Variants in GPC3 observed in about 807,000 individuals in gnomAD.
GPC3 encodes the protein glypican-3.
Under a neutral mutation model 34.4 loss-of-function variants are expected in GPC3, and 3 were observed. That is an observed-to-expected ratio of 0.09 (90% CI 0.04 to 0.23). The LOEUF is 0.23. Among genes scored for constraint, GPC3 ranks in the 10% least tolerant of loss-of-function variants. The pLI is 1.00. For missense variants in GPC3, 351 were observed against 445.6 expected (o/e 0.79, Z 1.91); for synonymous variants, 177 against 174.0 (o/e 1.02, Z -0.13).
intron 2 of GPC3, among the ~76,000 whole-genome samples, chrX:133,863,544 C>T (rs972150671): frequency 8.2e-5 from 9 of 109,502 alleles, no homozygotes; most frequent in African/African-American, 3.0e-4. Context: ...CTAATAAATG[C>T]TATCATTTAT....
chrX:133,710,366 A>T (rs1376146388), intron 3 of GPC3, among the ~76,000 whole-genome samples: 1 of 112,106 alleles, frequency 8.9e-6, no homozygotes, highest in African/African-American at 3.2e-5. Flanking sequence ...CTCATCTGCA[A>T]AATGAAGATA....
At chrX:133,967,199 AT>A (rs2076467700) in intron 1 of GPC3, among the ~76,000 whole-genome samples, 1 of 112,405 alleles carries the variant, frequency 8.9e-6, no homozygotes, top group Non-Finnish European at 1.9e-5. Flanking sequence ...TGAGGGAAAT[AT>A]TAGGTTATGA....
chrX:133,808,928 A>C (rs924506979), intron 2 of GPC3, among the ~76,000 whole-genome samples: 23 of 112,411 alleles, frequency 2.0e-4, no homozygotes, highest in Non-Finnish European at 4.3e-4. Context: ...GACAAGACAC[A>C]TATATAGACA....
intron 6 of GPC3, among the ~76,000 whole-genome samples, chrX:133,645,809 G>A (rs1396673996): frequency 9.1e-6 from 1 of 110,236 alleles, no homozygotes; most frequent in African/African-American, 3.3e-5. Flanking sequence ...ACCTATAAGA[G>A]GAATTCTTAA....
chrX:133,686,620 C>T (rs762199419), intron 5 of GPC3, among the ~76,000 whole-genome samples: 189 of 110,761 alleles, frequency 1.7e-3, no homozygotes, highest in African/African-American at 6.0e-3. Context: ...ATGGGGAGTG[C>T]CCATTAATGT....
chrX:133,717,432 T>G (rs899903620), intron 3 of GPC3, among the ~76,000 whole-genome samples: 3 of 111,323 alleles, frequency 2.7e-5, no homozygotes, highest in African/African-American at 9.8e-5. Flanking sequence ...CACACCCTGG[T>G]CCTGGTAGTT....
chrX:133,657,573 T>G (rs2070675311), intron 6 of GPC3, among the ~76,000 whole-genome samples: 1 of 111,462 alleles, frequency 9.0e-6, no homozygotes, highest in African/African-American at 3.3e-5. Flanking sequence ...GGTCCTCATT[T>G]CTGATCGTGG....
intron 6 of GPC3, among the ~76,000 whole-genome samples, chrX:133,610,673 C>T (rs2070100230): frequency 9.6e-6 from 1 of 104,164 alleles, no homozygotes; most frequent in Non-Finnish European, 2.0e-5. Flanking sequence ...TTGAAGAAAT[C>T]AACTTGAATG....
At chrX:133,626,757 C>T (rs1003461510) in intron 6 of GPC3, among the ~76,000 whole-genome samples, 6 of 106,596 alleles carry the variant, frequency 5.6e-5, no homozygotes, top group East Asian at 3.0e-4. Context: ...GACAGTGTGG[C>T]GATTCCTCAA....
intron 5 of GPC3, among the ~76,000 whole-genome samples, chrX:133,683,979 A>ATT (rs2070971355): frequency 8.9e-6 from 1 of 112,350 alleles, no homozygotes; most frequent in Admixed American, 9.4e-5. Flanking sequence ...GGATTTAAAA[A>ATT]AATTCTTAGC....
At chrX:133,547,339 A>G (rs1275302799) in intron 7 of GPC3, among the ~76,000 whole-genome samples, 2 of 111,800 alleles carry the variant, frequency 1.8e-5, no homozygotes, top group Non-Finnish European at 3.8e-5. Context: ...GCCATAATTT[A>G]AAGAAAAAAA....
intron 6 of GPC3, among the ~76,000 whole-genome samples, chrX:133,654,335 A>G (rs1226388786): frequency 1.8e-5 from 2 of 111,881 alleles, no homozygotes; most frequent in Admixed American, 9.5e-5. Flanking sequence ...ACACACACAT[A>G]CATACACACA....
At chrX:133,673,025 T>G (rs897091968) in intron 5 of GPC3, among the ~76,000 whole-genome samples, 7 of 107,738 alleles carry the variant, frequency 6.5e-5, no homozygotes, top group African/African-American at 2.4e-4. Flanking sequence ...CCCTGCAACC[T>G]CTGCCTCCTG....
At chrX:133,842,430 C>G (rs1024880291) in intron 2 of GPC3, among the ~76,000 whole-genome samples, 1 of 106,105 alleles carries the variant, frequency 9.4e-6, no homozygotes, top group Non-Finnish European at 1.9e-5. Context: ...TATATGTATA[C>G]AGTAATATAT....
intron 7 of GPC3, among the ~76,000 whole-genome samples, chrX:133,562,439 T>A (rs898989518): frequency 7.2e-5 from 8 of 110,525 alleles, no homozygotes; most frequent in African/African-American, 2.3e-4. Flanking sequence ...GAGACCAGCC[T>A]GACCAACATA....
At chrX:133,544,991 T>C (rs1032271548) in intron 7 of GPC3, among the ~76,000 whole-genome samples, 1 of 111,677 alleles carries the variant, frequency 9.0e-6, no homozygotes, top group African/African-American at 3.3e-5. Flanking sequence ...TCATGACCAC[T>C]CCTCTGATGT....
At chrX:133,552,503 C>A (rs1006752054) in intron 7 of GPC3, among the ~76,000 whole-genome samples, 3 of 111,399 alleles carry the variant, frequency 2.7e-5, no homozygotes, top group African/African-American at 9.8e-5. Flanking sequence ...GGAGAAAAAA[C>A]CACATAATCT....
Position 133,838,489 on chromosome X carries a change from T to G in GPC3, c.338-84313A>C, listed in dbSNP as rs1603256993. Among the ~76,000 whole-genome samples the G allele has an allele frequency of 2.7e-5, 3 of 112,695 alleles. No individual in the cohort carries two copies. In the East Asian group the frequency reaches 8.3e-4, roughly 31 times the overall value. Reference sequence around the variant, plus strand: ...AACTTGACATTTGGAAATATCGTGTTTGAAAGTTATTATCACATGTAAATT... The same window carrying G: ...AACTTGACATTTGGAAATATCGTGTGTGAAAGTTATTATCACATGTAAATT... On this transcript the variant is annotated intron_variant, in intron 2 of 7. Coordinates refer to ENST00000370818, the MANE Select transcript of GPC3 (RefSeq NM_004484.4).
At chrX:133,621,976 C>A (rs781582964) in intron 6 of GPC3, among the ~76,000 whole-genome samples, 1 of 112,011 alleles carries the variant, frequency 8.9e-6, no homozygotes, top group African/African-American at 3.2e-5. Context: ...TATCAGGCAG[C>A]AACATTTGCC....
Sources: allele counts gnomAD v4.1 joint callset (sites outside exome capture counted in the v4.1 genomes callset), GRCh38; gene constraint gnomAD v4.1.1; transcripts MANE v1.5; gene names NCBI Gene and HGNC (gene_info 2026-07-23, HGNC 2026-07-21).